The following CDK5RAP2 variants were observed in gnomAD, a reference collection of about 807,000 sequenced individuals.
CDK5RAP2 encodes the protein CDK5 regulatory subunit associated protein 2.
A neutral mutation model predicts 232.9 loss-of-function variants in CDK5RAP2; 147 were observed. That is an observed-to-expected ratio of 0.63 (90% CI 0.55 to 0.72). The LOEUF (loss-of-function observed/expected upper bound fraction) is 0.72, where lower values mean the gene tolerates loss of function less well. CDK5RAP2 is among the 30% of genes least tolerant of loss of function. CDK5RAP2 has a pLI of 0.00. For missense variants in CDK5RAP2, 2,195 were observed against 2,231.5 expected (o/e 0.98, Z 0.33); for synonymous variants, 833 against 833.7 (o/e 1.00, Z 0.01).
intron 14 of CDK5RAP2, among the ~76,000 whole-genome samples, chr9:120,483,091 G>A (rs1284511447): frequency 6.6e-6 from 1 of 151,932 alleles, no homozygotes; most frequent in Non-Finnish European, 1.5e-5. Flanking sequence ...TCTCCACCCA[G>A]CCCCTCCAAA....
At chr9:120,547,823 C>T (rs1395027300) in intron 4 of CDK5RAP2, among the ~76,000 whole-genome samples, 1 of 152,212 alleles carries the variant, frequency 6.6e-6, no homozygotes, top group African/African-American at 2.4e-5. Context: ...TTACTCACTC[C>T]TTCACGTCAC....
intron 3 of CDK5RAP2, among the ~76,000 whole-genome samples, chr9:120,552,375 T>C (rs1159531752): frequency 2.0e-5 from 3 of 152,124 alleles, no homozygotes; most frequent in Admixed American, 1.3e-4. Context: ...ATCATGCTGC[T>C]ATAAAGACAC....
intron 13 of CDK5RAP2, among the ~76,000 whole-genome samples, chr9:120,488,892 A>T (rs2038748509): frequency 6.6e-6 from 1 of 152,214 alleles, no homozygotes. Context: ...CTCAGCTCTC[A>T]TCCCAGGACT....
intron 12 of CDK5RAP2, among the ~76,000 whole-genome samples, chr9:120,513,384 C>T (rs768914624): frequency 2.7e-4 from 41 of 152,316 alleles, no homozygotes; most frequent in Non-Finnish European, 5.3e-4. Context: ...GCCTACACCT[C>T]AAGTCCAGGC....
chr9:120,517,907 A>T, intron 12 of CDK5RAP2: 1 of 320,400 alleles, frequency 3.1e-6, no homozygotes, highest in Non-Finnish European at 6.3e-6. Flanking sequence ...AAAAACAACA[A>T]AGAATCAGTG....
chr9:120,559,570 GAAA>G (rs777727216), intron 3 of CDK5RAP2, among the ~76,000 whole-genome samples: 18 of 60,830 alleles, frequency 3.0e-4, no homozygotes, highest in Non-Finnish European at 4.3e-4. Context: ...AGAGAAACAA[GAAA>G]AAAAAAAAAA....
At chr9:120,572,506 C>G (rs1231179866) in intron 1 of CDK5RAP2, among the ~76,000 whole-genome samples, 3 of 152,168 alleles carry the variant, frequency 2.0e-5, no homozygotes, top group Non-Finnish European at 4.4e-5. Flanking sequence ...ATGCCTATCA[C>G]CACCTCTGGG....
chr9:120,459,713 C>T (rs1313395414), intron 19 of CDK5RAP2, among the ~76,000 whole-genome samples: 1 of 152,172 alleles, frequency 6.6e-6, no homozygotes, highest in Non-Finnish European at 1.5e-5. Context: ...TAACCAAGGT[C>T]ACAGAGATAG....
At chr9:120,521,795 A>G (rs192114932) in intron 11 of CDK5RAP2, among the ~76,000 whole-genome samples, 1,638 of 151,376 alleles carry the variant, frequency 0.011, 27 homozygotes, top group African/African-American at 0.037. Flanking sequence ...ACAGGCGCCC[A>G]CCACCACACC....
chr9:120,579,484 G>A (rs1435915476), intron 1 of CDK5RAP2, among the ~76,000 whole-genome samples: 1 of 152,094 alleles, frequency 6.6e-6, no homozygotes, highest in East Asian at 1.9e-4. Context: ...TTGCCTCCTG[G>A]GTGGCCACTA....
At chr9:120,545,510 C>T (rs1397760560) in intron 5 of CDK5RAP2, among the ~76,000 whole-genome samples, 3 of 152,148 alleles carry the variant, frequency 2.0e-5, no homozygotes, top group Non-Finnish European at 2.9e-5. Context: ...TCACGCTGTA[C>T]ACTTAAGATC....
At position 120,439,954 on chromosome 9, in the gene CDK5RAP2, G is replaced by C. The variant is rs924937831; in HGVS notation, c.3167C>G (p.Pro1056Arg). Residue 1056 changes from proline (P) to arginine (R), a missense_variant, in exon 24 of 38, where the codon CCT (proline) becomes CGT (arginine). Transcript: ENST00000349780. ...SYEIDSEICP[P>R]DDLASLPSCK... ...TGATGGCAAGCTGGCAAGGTCATCA[G>C]GTGGGCAAATCTCAGAGTCTGAAAA... The C allele has an allele frequency of 2.5e-6, 4 of 1,613,864 alleles. No homozygotes were observed. Among genetic ancestry groups the C allele is most frequent in the Non-Finnish European group, 3.4e-6 (4 of 1,179,972 alleles).
At chr9:120,542,051 G>A (rs1434917532) in intron 5 of CDK5RAP2, among the ~76,000 whole-genome samples, 1 of 152,158 alleles carries the variant, frequency 6.6e-6, no homozygotes, top group Non-Finnish European at 1.5e-5. Flanking sequence ...GGAAAAAGCA[G>A]GGGATTTTCC....
intron 15 of CDK5RAP2, among the ~76,000 whole-genome samples, chr9:120,473,277 T>C (rs969621319): frequency 6.6e-6 from 1 of 152,264 alleles, no homozygotes; most frequent in Admixed American, 6.5e-5. Flanking sequence ...AGATCTATCA[T>C]TCTCCATCTA....
intron 32 of CDK5RAP2, chr9:120,406,332 G>A (rs1056682763): frequency 3.9e-5 from 6 of 152,560 alleles, no homozygotes; most frequent in Admixed American, 1.3e-4. Flanking sequence ...CCCTGGACTC[G>A]AAGCTGGAAA....
At position 120,403,710 on chromosome 9, in the gene CDK5RAP2, T is replaced by C; in HGVS notation, c.5041+326A>G. The C allele has an allele frequency of 2.4e-6, 1 of 415,894 alleles. No individual in the cohort carries two copies. Among genetic ancestry groups the C allele is most frequent in the East Asian group, 5.3e-5 (1 of 19,006 alleles). 25.8% of individuals were successfully genotyped at this position (415,894 alleles called of 1,614,324 possible). A position where few individuals can be genotyped will look rare whatever the true frequency, so the allele number is the denominator to read the frequency against. Reference sequence around the variant, plus strand: ...GGCCTGTCTGCAGGATGGTGACCCCTGTGTGGCTACACCAGGTTAAGGGAT... The same window carrying C: ...GGCCTGTCTGCAGGATGGTGACCCCCGTGTGGCTACACCAGGTTAAGGGAT... On this transcript the variant is annotated intron_variant, in intron 33 of 37. Coordinates refer to ENST00000349780, the MANE Select transcript of CDK5RAP2 (RefSeq NM_018249.6). This position sits in a 1 kb window ranked among gnomAD's most constrained non-coding sequence, Gnocchi z 4.2.
intron 13 of CDK5RAP2, 23 bp from the exon 14 acceptor site, chr9:120,487,460 A>C (rs1405519846): frequency 1.9e-6 from 3 of 1,562,420 alleles, no homozygotes; most frequent in Non-Finnish European, 2.6e-6. Flanking sequence ...AACAAATTCT[A>C]AGGAAATTGT....
rs772044465 is a variant in CDK5RAP2 at position 120,407,142 on chromosome 9, G to T, written c.4833C>A (p.Thr1611=). 1 of 1,614,076 alleles carries T rather than the reference G, an allele frequency of 6.2e-7. No individual in the cohort carries two copies. The highest frequency in any genetic ancestry group is 8.5e-7 in the Non-Finnish European group (1 of 1,180,026). ...LRLQLERSIE[T]SSTLQSRLKE... is the part of the protein sequence containing the mutation. ...TGAGCCTGCTCTGCAGAGTGCTGCT[G>T]GTTTCGATGCTCCTTTCTAGTTGCA... is the stretch of plus-strand genomic sequence containing the variant. The change falls in exon 32 of 38, where the codon ACC becomes ACA. Residue 1611 remains threonine, a synonymous_variant. Coordinates refer to ENST00000349780, the MANE Select transcript of CDK5RAP2 (RefSeq NM_018249.6).
chr9:120,557,793 C>G (rs1292250170), intron 3 of CDK5RAP2, among the ~76,000 whole-genome samples: 1 of 140,514 alleles, frequency 7.1e-6, no homozygotes, highest in Non-Finnish European at 1.6e-5. Flanking sequence ...TTGAGACAGT[C>G]TCGCTCTGTC....
Sources: gnomAD v4.1 joint callset for allele counts (sites outside exome capture counted in the v4.1 genomes callset) on GRCh38, gnomAD v4.1.1 for gene constraint, Gnocchi (gnomAD v3.1) non-coding constraint, MANE v1.5 for transcripts, NCBI Gene and HGNC (gene_info 2026-07-23, HGNC 2026-07-21) for gene names.